Variants in ADAMTS16 observed in about 807,000 individuals in gnomAD.
ADAMTS16 encodes A disintegrin and metalloproteinase with thrombospondin motifs 16.
A neutral mutation model predicts 145.8 loss-of-function variants in ADAMTS16; 94 were observed. That is an observed-to-expected ratio of 0.64 (90% CI 0.55 to 0.77). The LOEUF (loss-of-function observed/expected upper bound fraction) is 0.77. Among genes scored for constraint, ADAMTS16 ranks in the 30% least tolerant of loss-of-function variants. The pLI, the probability that ADAMTS16 is intolerant of heterozygous loss-of-function variation, is 0.00. For synonymous variants in ADAMTS16, 659 were observed against 604.3 expected (o/e 1.09, Z -1.33); for missense variants, 1,585 against 1,591.5 (o/e 1.00, Z 0.07).
At chr5:5,276,207 T>C (rs1738689474) in intron 18 of ADAMTS16, among the ~76,000 whole-genome samples, 1 of 152,212 alleles carries the variant, frequency 6.6e-6, no homozygotes, top group South Asian at 2.1e-4. Context: ...TTATGGAGTG[T>C]GGTTATATTT....
intron 18 of ADAMTS16, among the ~76,000 whole-genome samples, chr5:5,290,753 T>C (rs1394744277): frequency 6.6e-6 from 1 of 152,238 alleles, no homozygotes; most frequent in Non-Finnish European, 1.5e-5. Context: ...AAGTTTTTAA[T>C]ATCATTTTTC....
rs756897056 is a variant in ADAMTS16, at chr5:5,189,973, A to G, written c.1050A>G (p.Pro350=). Residue 350 remains proline, a splice_region_variant and synonymous_variant, in exon 7 of 23, where the codon CCA becomes CCG. Coordinates refer to ENST00000274181, the MANE Select transcript of ADAMTS16 (RefSeq NM_139056.4). ...CTCGGTCCTTGTCTCTTGCACAGCC[A>G]GGACTGGTGATAAGTCACCACGCAG... The part of the protein sequence containing the change: ...VGLILLEDEQ[P]GLVISHHADH... The G allele has an allele frequency of 3.1e-6, 5 of 1,610,608 alleles. No individual in the cohort carries two copies. Among genetic ancestry groups the G allele is most frequent in the Non-Finnish European group, 8.5e-7 (1 of 1,178,866 alleles).
chr5:5,281,096 C>A (rs1579375505), intron 18 of ADAMTS16, among the ~76,000 whole-genome samples: 2 of 152,338 alleles, frequency 1.3e-5, no homozygotes, highest in South Asian at 4.1e-4. Context: ...GGGAATACAA[C>A]TGGAGTGTCA....
chr5:5,312,388 A>G (rs550320917), intron 21 of ADAMTS16, among the ~76,000 whole-genome samples: 1 of 151,924 alleles, frequency 6.6e-6, no homozygotes, highest in East Asian at 1.9e-4. Context: ...GTAGCTACAA[A>G]CTTTGCCCAG....
In ADAMTS16 at chr5:5,146,101, T is replaced by G. The variant is rs73735709; in HGVS notation, c.176-29T>G. 1.4e-3 allele frequency: 2,288 copies of G among 1,586,878 alleles called. 29 individuals carry two copies. The African/African-American group carries it at 0.028, about 20-fold the overall frequency. On this transcript the variant is annotated intron_variant, in intron 2 of 22. Coordinates refer to ENST00000274181, the MANE Select transcript of ADAMTS16 (RefSeq NM_139056.4). ...ATTCTTCTCGGAATTCCGAAATGAC[T>G]CAGCCTCTGCTCACTCTTTTGATTT...
At chr5:5,194,479 T>C (rs1735747295) in intron 8 of ADAMTS16, among the ~76,000 whole-genome samples, 1 of 152,132 alleles carries the variant, frequency 6.6e-6, no homozygotes, top group Admixed American at 6.5e-5. Flanking sequence ...GGGGAGACTA[T>C]GTGGAATATT....
Position 5,310,258 on chromosome 5 carries a change from C to T in ADAMTS16, c.3411+3530C>T, listed in dbSNP as rs1304783519. On this transcript the variant is annotated intron_variant, in intron 21 of 22. Coordinates refer to ENST00000274181, the MANE Select transcript of ADAMTS16 (RefSeq NM_139056.4). The surrounding 1 kb of genome is among the most constrained non-coding windows in gnomAD (Gnocchi z 4.3). ...CCATCCTCCAGCTCGTAGGACCCCACCCACACTGCGCAGCCCATCTCTCAT... is the reference window on the plus strand; with the variant it reads ...CCATCCTCCAGCTCGTAGGACCCCATCCACACTGCGCAGCCCATCTCTCAT... Among the ~76,000 whole-genome samples the T allele has an allele frequency of 1.3e-5, 2 of 152,094 alleles. No individual in the cohort carries two copies. Among genetic ancestry groups the T allele is most frequent in the African/African-American group, 2.4e-5 (1 of 41,414 alleles).
chr5:5,279,920 TTCTC>T (rs201573931), intron 18 of ADAMTS16, among the ~76,000 whole-genome samples: 1 of 145,254 alleles, frequency 6.9e-6, no homozygotes, highest in East Asian at 2.1e-4. Context: ...CTTTCTTTAT[TTCTC>T]TTTTTCTTTC....
At chr5:5,222,518 T>A (rs1736636663) in intron 10 of ADAMTS16, among the ~76,000 whole-genome samples, 1 of 152,116 alleles carries the variant, frequency 6.6e-6, no homozygotes, top group Non-Finnish European at 1.5e-5. Context: ...ATTAAGCATA[T>A]TTTACATTTT....
Position 5,239,808 on chromosome 5 carries a change from C to T in ADAMTS16, c.2406C>T (p.Thr802=), listed in dbSNP as rs11742341. Residue 802 remains threonine, a synonymous_variant, in exon 16 of 23, where the codon ACC becomes ACT. Transcript: ENST00000274181. ...LRRYYLNGHW[T]VDWPGRYKFS... The stretch of plus-strand genomic sequence containing the variant: ...GGTACTACCTGAATGGGCACTGGAC[C>T]GTGGACTGGCCCGGCCGGTACAAAT... 291,790 of 1,613,918 alleles carry T rather than the reference C, an allele frequency of 0.18. 28,431 individuals are homozygous for T. The highest frequency in any genetic ancestry group is 0.22 in the South Asian group (20,007 of 91,052).
At chr5:5,184,583 G>A (rs549153836) in intron 4 of ADAMTS16, among the ~76,000 whole-genome samples, 16 of 152,114 alleles carry the variant, frequency 1.1e-4, no homozygotes, top group East Asian at 9.7e-4. Context: ...GGCATTTTTC[G>A]GTGGAAAAGG....
chr5:5,319,128 C>A lies in ADAMTS16; in HGVS notation c.3665C>A (p.Ser1222Tyr), dbSNP rs1445057947. ...CAGTGCTGCAAGACTTGCTCTAAGT[C>A]CAACTTGTGAGTTGGGACCGCTCTC... ...GKQCCKTCSK[S>Y]NL Residue 1222 changes from serine (S) to tyrosine (Y), a missense_variant, in exon 23 of 23, where the codon TCC (serine) becomes TAC (tyrosine). This residue lies in a region of ADAMTS16 where 834 missense variants were observed against 811.7 expected (regional missense o/e 1.03). Transcript: ENST00000274181. The A allele has an allele frequency of 1.9e-6, 3 of 1,610,238 alleles. No individual in the cohort carries two copies. Among genetic ancestry groups the A allele is most frequent in the Non-Finnish European group, 1.7e-6 (2 of 1,178,516 alleles).
At chr5:5,277,105 G>T (rs111322458) in intron 18 of ADAMTS16, among the ~76,000 whole-genome samples, 1 of 152,196 alleles carries the variant, frequency 6.6e-6, no homozygotes, top group African/African-American at 2.4e-5. Context: ...TTTAGAATTT[G>T]TGATTTTCAA....
chr5:5,169,613 T>C (rs1734994430), intron 3 of ADAMTS16, among the ~76,000 whole-genome samples: 1 of 152,234 alleles, frequency 6.6e-6, no homozygotes, highest in Non-Finnish European at 1.5e-5. Flanking sequence ...TGGTTTGCCT[T>C]TCTGCAGCGT....
At chr5:5,232,339 A>G (rs1261184721) in intron 11 of ADAMTS16, 29 bp from the exon 12 acceptor site, 1 of 1,613,752 alleles carries the variant, frequency 6.2e-7, no homozygotes, top group South Asian at 1.1e-5. Context: ...GTGTGAGTCA[A>G]GTCAACTTAT....
Position 5,156,370 on chromosome 5 carries a change from T to A in ADAMTS16, c.501+9915T>A, listed in dbSNP as rs538736121. 6.6e-5 allele frequency among the ~76,000 whole-genome samples: 10 copies of A among 152,318 alleles called. No individual in the cohort carries two copies. The South Asian group carries it at 1.9e-3, about 28-fold the overall frequency. ...AATAAAAATATGTGCAAAGAATGAA[T>A]GATTTTTGCAATGGAGGAACAAGAC... On this transcript the variant is annotated intron_variant, in intron 3 of 22. Transcript: ENST00000274181.
At chr5:5,305,200 C>T (rs1288214448) in intron 20 of ADAMTS16, among the ~76,000 whole-genome samples, 1 of 82,088 alleles carries the variant, frequency 1.2e-5, no homozygotes, top group Non-Finnish European at 2.4e-5. Context: ...ACCAAACACA[C>T]ACACATCCAC....
intron 3 of ADAMTS16, among the ~76,000 whole-genome samples, chr5:5,164,791 C>T (rs1734825503): frequency 6.6e-6 from 1 of 152,188 alleles, no homozygotes; most frequent in African/African-American, 2.4e-5. Context: ...ATTCTCCTGC[C>T]TCAGCCTCCC....
chr5:5,250,736 T>C lies in ADAMTS16; in HGVS notation c.2662+8545T>C, dbSNP rs73735767. Among the ~76,000 whole-genome samples the C allele has an allele frequency of 9.9e-4, 141 of 141,924 alleles. 1 individual carries two copies. The highest frequency in any genetic ancestry group is 1.1e-3 in the Admixed American group (16 of 14,240). 93.1% of individuals were successfully genotyped at this position (141,924 alleles called of 152,430 possible). ...GTGTGTGTGTGTGTGTGTGTGTGTG[T>C]GCGCGCACTCCTGGAGAGGCACAGA... is the stretch of plus-strand genomic sequence containing the variant. On this transcript the variant is annotated intron_variant, in intron 17 of 22. Coordinates refer to ENST00000274181, the MANE Select transcript of ADAMTS16 (RefSeq NM_139056.4).
Sources: gnomAD v4.1 joint callset for allele counts (sites outside exome capture counted in the v4.1 genomes callset) on GRCh38, gnomAD v4.1.1 for gene constraint, gnomAD v4.1.1 regional missense constraint, Gnocchi (gnomAD v3.1) non-coding constraint, MANE v1.5 for transcripts, NCBI Gene and HGNC (gene_info 2026-07-23, HGNC 2026-07-21) for gene names.